Variants in TANC2 observed in about 807,000 individuals in gnomAD.
TANC2 encodes the protein tetratricopeptide repeat, ankyrin repeat and coiled-coil containing 2.
In TANC2, 26 loss-of-function variants were observed where a neutral mutation model predicts 210.5. That is an observed-to-expected ratio of 0.12 (90% CI 0.09 to 0.17). TANC2 has a LOEUF of 0.17. Ranked by LOEUF, TANC2 falls within the 10% of genes least tolerant of loss-of-function variation. The pLI is 1.00. For synonymous variants in TANC2, 931 were observed against 967.1 expected (o/e 0.96, Z 0.69); for missense variants, 2,129 against 2,608.9 (o/e 0.82, Z 4.01).
intron 15 of TANC2, among the ~76,000 whole-genome samples, chr17:63,387,331 AG>A (rs1313429014): frequency 6.6e-6 from 1 of 152,172 alleles, no homozygotes; most frequent in Non-Finnish European, 1.5e-5. Flanking sequence ...TTCCCTCTAC[AG>A]GAAGTTTTTT....
At chr17:63,304,806 G>A (rs1226819515) in intron 9 of TANC2, among the ~76,000 whole-genome samples, 1 of 152,184 alleles carries the variant, frequency 6.6e-6, no homozygotes, top group South Asian at 2.1e-4. Context: ...TTCCTGCAGG[G>A]AGGCCCCGTG....
intron 9 of TANC2, among the ~76,000 whole-genome samples, chr17:63,275,784 G>A (rs2043852944): frequency 6.6e-6 from 1 of 152,066 alleles, no homozygotes; most frequent in African/African-American, 2.4e-5. Context: ...GTTGTATGAG[G>A]TTGTTCCCCT....
At chr17:63,167,880 G>C (rs1366392404) in intron 5 of TANC2, among the ~76,000 whole-genome samples, 2 of 58,148 alleles carry the variant, frequency 3.4e-5, no homozygotes, top group African/African-American at 1.2e-4. Context: ...GTGAGACTCT[G>C]TCTCAAAAAA....
Position 63,421,660 on chromosome 17 carries a change from C to T in TANC2, c.5930C>T (p.Pro1977Leu), listed in dbSNP as rs748002519. Residue 1977 changes from proline (P) to leucine (L), a missense_variant, in exon 28 of 28, where the codon CCA (proline) becomes CTA (leucine). Physicochemically the swap from Pro to Leu is moderately conservative, Grantham distance 98 (BLOSUM62 -3). Transcript: ENST00000689528. The surrounding 1 kb of genome is among the most constrained non-coding windows in gnomAD (Gnocchi z 6.9). ...CTGCCTCAGCCTGAGTCCTTCAGTC[C>T]ACCATCATCCATCAGCAACATTGCC... is the stretch of plus-strand genomic sequence containing the variant. 5 of 1,614,074 alleles carry T rather than the reference C, an allele frequency of 3.1e-6. No homozygotes were observed. The highest frequency in any genetic ancestry group is 2.2e-5 in the South Asian group (2 of 91,088).
At chr17:63,053,912 A>T (rs1292334063) in intron 2 of TANC2, among the ~76,000 whole-genome samples, 2 of 152,078 alleles carry the variant, frequency 1.3e-5, no homozygotes, top group Admixed American at 1.3e-4. Flanking sequence ...ACCTCCACTA[A>T]CCACTTAGTC....
intron 9 of TANC2, among the ~76,000 whole-genome samples, chr17:63,282,887 T>A (rs893036555): frequency 2.0e-5 from 3 of 152,048 alleles, no homozygotes; most frequent in Non-Finnish European, 4.4e-5. Flanking sequence ...GATACTTGAT[T>A]TACAAATATT....
chr17:63,124,694 G>A lies in TANC2; in HGVS notation c.322+25337G>A, dbSNP rs78837683. 2.5e-3 allele frequency among the ~76,000 whole-genome samples: 378 copies of A among 152,302 alleles called. 7 individuals are homozygous for A. Among genetic ancestry groups the A allele is most frequent in the East Asian group, 0.011 (55 of 5,180 alleles). Reference sequence around the variant, plus strand: ...TCAGGCTGCAGACTAGTACCAGTCCGTGGCCTATTAGGAACTGGGCGGCAC... The same window carrying A: ...TCAGGCTGCAGACTAGTACCAGTCCATGGCCTATTAGGAACTGGGCGGCAC... On this transcript the variant is annotated intron_variant, in intron 4 of 27. Coordinates refer to ENST00000689528, the Ensembl canonical transcript of TANC2.
intron 19 of TANC2, among the ~76,000 whole-genome samples, chr17:63,402,324 A>G (rs2048367641): frequency 6.6e-6 from 1 of 152,178 alleles, no homozygotes; most frequent in Admixed American, 6.5e-5. Context: ...TACCAAGGAC[A>G]TATCTCCATT....
At chr17:63,035,092 T>C (rs1403642304) in intron 2 of TANC2, among the ~76,000 whole-genome samples, 1 of 152,150 alleles carries the variant, frequency 6.6e-6, no homozygotes. Flanking sequence ...GCAAACTTCA[T>C]TTGTTGTCTT....
intron 3 of TANC2, among the ~76,000 whole-genome samples, chr17:63,081,321 A>G (rs1421142943): frequency 6.6e-6 from 1 of 152,176 alleles, no homozygotes. Context: ...ATTTTTTAAA[A>G]AGTTAATTTA....
At chr17:63,202,730 T>C (rs2041576344) in intron 7 of TANC2, among the ~76,000 whole-genome samples, 1 of 152,120 alleles carries the variant, frequency 6.6e-6, no homozygotes, top group South Asian at 2.1e-4. Flanking sequence ...TATATACAGA[T>C]TGGTCTGTAC....
intron 7 of TANC2, among the ~76,000 whole-genome samples, chr17:63,220,717 A>C (rs61699638): frequency 5.2e-5 from 7 of 135,896 alleles, no homozygotes; most frequent in Non-Finnish European, 1.1e-4. Flanking sequence ...AAAAAAAAAA[A>C]AAATATATAT....
intron 11 of TANC2, among the ~76,000 whole-genome samples, chr17:63,336,164 G>C (rs2046020236): frequency 6.6e-6 from 1 of 152,196 alleles, no homozygotes; most frequent in African/African-American, 2.4e-5. Context: ...AGAGTTGGAA[G>C]GGTTTTGCTG....
At chr17:63,291,605 A>G (rs1253880618) in intron 9 of TANC2, among the ~76,000 whole-genome samples, 2 of 152,164 alleles carry the variant, frequency 1.3e-5, no homozygotes, top group Admixed American at 1.3e-4. Context: ...GGCTTTATAC[A>G]AAAGAAATGT....
intron 4 of TANC2, 38 bp from the exon 5 acceptor site, chr17:63,151,232 C>A: frequency 1.1e-6 from 1 of 903,242 alleles, no homozygotes; most frequent in Non-Finnish European, 1.3e-6. Context: ...CTTGCTCTCT[C>A]TGTCTCTTGC....
chr17:63,202,149 A>G (rs931305204), intron 7 of TANC2, among the ~76,000 whole-genome samples: 8 of 152,178 alleles, frequency 5.3e-5, no homozygotes, highest in African/African-American at 1.9e-4. Flanking sequence ...TGATTCAGAC[A>G]TTGAACATTA....
intron 21 of TANC2, among the ~76,000 whole-genome samples, chr17:63,407,156 C>CT (rs1320682623): frequency 2.0e-5 from 3 of 152,220 alleles, no homozygotes; most frequent in African/African-American, 7.2e-5. Flanking sequence ...ACAGCTCAGT[C>CT]AGAGACTTAC....
At chr17:63,102,427 T>A (rs2037661387) in intron 4 of TANC2, among the ~76,000 whole-genome samples, 2 of 150,540 alleles carry the variant, frequency 1.3e-5, no homozygotes, top group Admixed American at 6.6e-5. Flanking sequence ...TTTTTTTTTT[T>A]ACCTTATTTA....
intron 1 of TANC2, among the ~76,000 whole-genome samples, chr17:63,003,355 G>A (rs542301967): frequency 1.3e-5 from 2 of 152,006 alleles, no homozygotes; most frequent in African/African-American, 4.8e-5. Flanking sequence ...TAGTCCCTCC[G>A]TATCCACATT....
Sources: allele counts gnomAD v4.1 joint callset (sites outside exome capture counted in the v4.1 genomes callset), GRCh38; gene constraint gnomAD v4.1.1; non-coding constraint Gnocchi (gnomAD v3.1); transcripts MANE v1.5; gene names NCBI Gene and HGNC (gene_info 2026-07-23, HGNC 2026-07-21).